SLC8A1: variants seen among roughly 807,000 people sequenced by gnomAD.
The protein encoded by SLC8A1 is sodium/calcium exchanger 1.
In SLC8A1, 18 loss-of-function variants were observed where a neutral mutation model predicts 68.3. The observed-to-expected ratio is 0.26, with a 90% confidence interval of 0.18 to 0.39. The LOEUF is 0.39. Among genes scored for constraint, SLC8A1 ranks in the 10% least tolerant of loss-of-function variants. SLC8A1 has a pLI of 1.00. For missense variants in SLC8A1, 985 were observed against 1,156.7 expected (o/e 0.85, Z 2.15); for synonymous variants, 475 against 415.5 (o/e 1.14, Z -1.74).
intron 2 of SLC8A1, among the ~76,000 whole-genome samples, chr2:40,235,222 C>G (rs993800949): frequency 4.4e-4 from 67 of 152,266 alleles, no homozygotes; most frequent in African/African-American, 1.6e-3. Flanking sequence ...GTGAATCCAT[C>G]TGGTCCTGGA....
chr2:40,263,098 C>T (rs577481756), intron 2 of SLC8A1, among the ~76,000 whole-genome samples: 32 of 152,294 alleles, frequency 2.1e-4, no homozygotes, highest in African/African-American at 7.5e-4. Context: ...GAAAAACCTA[C>T]AGAGCAGAGT....
Position 40,409,889 on chromosome 2 carries a change from C to G in SLC8A1, c.1808+18584G>C, listed in dbSNP as rs1691555810. On this transcript the variant is annotated intron_variant, in intron 2 of 7. Transcript: ENST00000406785. ...GCCAACCAACCAATTAATCTGAAAA[C>G]TTATCAGTGGTGCTACTGCATATCT... is the stretch of plus-strand genomic sequence containing the variant. Among the ~76,000 whole-genome samples the G allele has an allele frequency of 5.9e-5, 9 of 152,190 alleles. No individual in the cohort carries two copies. In the South Asian group the frequency reaches 1.9e-3, roughly 32 times the overall value.
At chr2:40,284,194 T>C (rs371315686) in intron 2 of SLC8A1, among the ~76,000 whole-genome samples, 9 of 151,768 alleles carry the variant, frequency 5.9e-5, no homozygotes, top group East Asian at 3.9e-4. Context: ...TAGCTATCTA[T>C]ACCAATATAT....
chr2:40,335,637 A>C (rs979540722), intron 2 of SLC8A1, among the ~76,000 whole-genome samples: 3 of 152,254 alleles, frequency 2.0e-5, no homozygotes, highest in African/African-American at 7.2e-5. Context: ...TGACAGCCCT[A>C]AAAGAACAGA....
chr2:40,233,255 CTCCTGTTGTT>C (rs2059922693), intron 2 of SLC8A1, among the ~76,000 whole-genome samples: 1 of 152,212 alleles, frequency 6.6e-6, no homozygotes. Flanking sequence ...TCCTCTCCAG[CTCCTGTTGTT>C]TCCTGACTTT....
intron 2 of SLC8A1, among the ~76,000 whole-genome samples, chr2:40,301,321 C>T (rs1316475455): frequency 1.3e-5 from 2 of 152,158 alleles, no homozygotes; most frequent in Non-Finnish European, 2.9e-5. Flanking sequence ...TTGTCCAAGG[C>T]CACAAAGCTG....
chr2:40,380,968 A>G (rs927521059), intron 2 of SLC8A1, among the ~76,000 whole-genome samples: 8 of 151,950 alleles, frequency 5.3e-5, no homozygotes, highest in Non-Finnish European at 1.0e-4. Flanking sequence ...TGACTCACTG[A>G]TTTTCCACAC....
chr2:40,131,920 C>A (rs867187452), intron 7 of SLC8A1, among the ~76,000 whole-genome samples: 1 of 100,954 alleles, frequency 9.9e-6, no homozygotes, highest in East Asian at 2.7e-4. Flanking sequence ...TTTCAGTTGT[C>A]TTAGTGATTA....
At chr2:40,368,161 T>C (rs973617979) in intron 2 of SLC8A1, among the ~76,000 whole-genome samples, 4 of 152,050 alleles carry the variant, frequency 2.6e-5, no homozygotes, top group Non-Finnish European at 5.9e-5. Context: ...GATAAATCCC[T>C]AACACTTTTT....
At chr2:40,340,539 C>T (rs976050016) in intron 2 of SLC8A1, among the ~76,000 whole-genome samples, 1 of 152,096 alleles carries the variant, frequency 6.6e-6, no homozygotes. Context: ...CCAGCCTGGC[C>T]AACAGAGTGA....
intron 2 of SLC8A1, among the ~76,000 whole-genome samples, chr2:40,365,143 T>C (rs1285997320): frequency 6.6e-6 from 1 of 151,986 alleles, no homozygotes; most frequent in East Asian, 1.9e-4. Context: ...ATAAATGCTT[T>C]ACCTTATTTG....
rs529884659 is a variant in SLC8A1, at chr2:40,364,908, G to C, written c.1808+63565C>G. The stretch of plus-strand genomic sequence containing the variant: ...AGAAATGACAGGGAACAGCTTTGGA[G>C]TGTGTGCAGGTAACAGATGGAAGAC... On this transcript the variant is annotated intron_variant, in intron 2 of 7. Transcript: ENST00000406785. Among the ~76,000 whole-genome samples, 98 of 152,062 alleles carry C rather than the reference G, an allele frequency of 6.4e-4. 2 individuals are homozygous for C. The highest frequency in any genetic ancestry group is 1.7e-3 in the South Asian group (8 of 4,812).
chr2:40,296,743 C>T (rs1156550856), intron 2 of SLC8A1, among the ~76,000 whole-genome samples: 2 of 152,112 alleles, frequency 1.3e-5, no homozygotes, highest in African/African-American at 2.4e-5. Context: ...GACTAATCCC[C>T]CATCCTGTGG....
At chr2:40,143,814 C>T (rs2042002743) in intron 6 of SLC8A1, among the ~76,000 whole-genome samples, 1 of 152,118 alleles carries the variant, frequency 6.6e-6, no homozygotes, top group Non-Finnish European at 1.5e-5. Flanking sequence ...TGTCTCTCTA[C>T]CTGCTCAGGG....
At chr2:40,164,560 T>C (rs946172021) in intron 5 of SLC8A1, among the ~76,000 whole-genome samples, 4 of 152,198 alleles carry the variant, frequency 2.6e-5, no homozygotes, top group African/African-American at 9.6e-5. Context: ...CACCTTTGCA[T>C]GTTCCTTGCT....
chr2:40,391,417 A>T (rs538688700), intron 2 of SLC8A1, among the ~76,000 whole-genome samples: 1 of 152,042 alleles, frequency 6.6e-6, no homozygotes, highest in African/African-American at 2.4e-5. Context: ...TGGAAGCTCT[A>T]ATCTCCTATT....
intron 2 of SLC8A1, among the ~76,000 whole-genome samples, chr2:40,305,132 C>G (rs1332747401): frequency 6.6e-6 from 1 of 152,196 alleles, no homozygotes; most frequent in East Asian, 1.9e-4. Flanking sequence ...TAGGAAACAG[C>G]CTTGTCCTAT....
intron 2 of SLC8A1, among the ~76,000 whole-genome samples, chr2:40,247,504 TTAAA>T (rs2062043899): frequency 6.6e-6 from 1 of 151,874 alleles, no homozygotes; most frequent in Non-Finnish European, 1.5e-5. Flanking sequence ...ATGTTATTAT[TTAAA>T]TAAACCCTTC....
chr2:40,108,496 T>G (rs961476062), exon 8 of SLC8A1: 1 of 152,176 alleles, frequency 6.6e-6, no homozygotes, highest in Non-Finnish European at 1.5e-5. Context: ...TTAAATACGC[T>G]CTTATTCTCA....
Sources: gnomAD v4.1 joint callset for allele counts (sites outside exome capture counted in the v4.1 genomes callset) on GRCh38, gnomAD v4.1.1 for gene constraint, MANE v1.5 for transcripts, NCBI Gene and HGNC (gene_info 2026-07-23, HGNC 2026-07-21) for gene names.